Variants in COL4A6 observed in about 807,000 individuals in gnomAD.
The protein encoded by COL4A6 is collagen type IV alpha 6 chain, also known as collagen alpha-6(IV) chain.
A neutral mutation model predicts 126.7 loss-of-function variants in COL4A6; 59 were observed. The observed-to-expected ratio is 0.47, with a 90% CI of 0.38 to 0.58. COL4A6 has a LOEUF of 0.58. COL4A6 is among the 20% of genes least tolerant of loss of function. The pLI, the probability that COL4A6 is intolerant of heterozygous loss-of-function variation, is 0.00. For missense variants in COL4A6, 1,285 were observed against 1,337.3 expected, an observed-to-expected ratio of 0.96 and a Z score of 0.61; for synonymous variants, 547 against 496.6, an observed-to-expected ratio of 1.10 and a Z score of -1.35.
chrX:108,438,166 T>C lies in COL4A6; in HGVS notation c.11+20A>G. ...CCGAAGTAAGAAAGAGGAGGGGAGC[T>C]CGGGGCAGCAACAGCTCACCCAGGG... On this transcript the variant is annotated intron_variant, in intron 1 of 44. Coordinates refer to ENST00000334504, the MANE Select transcript of COL4A6 (RefSeq NM_033641.4). The C allele has an allele frequency of 8.3e-7, 1 of 1,207,425 alleles. No individual in the cohort carries two copies. Among genetic ancestry groups the C allele is most frequent in the Non-Finnish European group, 1.1e-6 (1 of 893,649 alleles).
intron 2 of COL4A6, among the ~76,000 whole-genome samples, chrX:108,354,966 C>T (rs993877560): frequency 1.8e-5 from 2 of 111,445 alleles, no homozygotes; most frequent in African/African-American, 6.5e-5. Context: ...TTTCTTTCCA[C>T]ACCTCGTTGA....
chrX:108,410,620 G>A (rs1225781824), intron 2 of COL4A6, among the ~76,000 whole-genome samples: 1 of 111,066 alleles, frequency 9.0e-6, no homozygotes, highest in African/African-American at 3.3e-5. Context: ...AGTAGGATTG[G>A]GTATATCAGT....
At chrX:108,334,133 C>T (rs754653005) in intron 2 of COL4A6, among the ~76,000 whole-genome samples, 1 of 111,797 alleles carries the variant, frequency 8.9e-6, no homozygotes, top group South Asian at 3.7e-4. Flanking sequence ...TACCACATTG[C>T]CTGACTTCAA....
intron 3 of COL4A6, among the ~76,000 whole-genome samples, chrX:108,300,307 T>G (rs977391325): frequency 6.3e-5 from 7 of 111,170 alleles, no homozygotes; most frequent in African/African-American, 2.3e-4. Context: ...TACATTCATC[T>G]AAAGTGAAGA....
At chrX:108,423,233 C>A (rs1490562858) in intron 2 of COL4A6, among the ~76,000 whole-genome samples, 1 of 111,826 alleles carries the variant, frequency 8.9e-6, no homozygotes, top group African/African-American at 3.3e-5. Flanking sequence ...ACTGTGAGAA[C>A]TAGATTTGGC....
chrX:108,343,992 C>A (rs991684635), intron 2 of COL4A6, among the ~76,000 whole-genome samples: 4 of 110,484 alleles, frequency 3.6e-5, no homozygotes, highest in African/African-American at 9.9e-5. Context: ...AATAAAATTG[C>A]ATGTTTTTTT....
chrX:108,197,982 C>G (rs766073713), intron 13 of COL4A6, among the ~76,000 whole-genome samples: 37 of 111,470 alleles, frequency 3.3e-4, no homozygotes, highest in African/African-American at 1.2e-3. Context: ...TTTTCTGCAT[C>G]AAACCAAGGC....
intron 2 of COL4A6, among the ~76,000 whole-genome samples, chrX:108,427,420 C>T (rs1209229660): frequency 1.8e-5 from 2 of 111,913 alleles, no homozygotes; most frequent in Non-Finnish European, 3.8e-5. Flanking sequence ...CAGAAAAATA[C>T]TAACTTAACT....
Position 108,308,491 on chromosome X carries a change from C to G in COL4A6, c.144+2257G>C, listed in dbSNP as rs758043978. Among the ~76,000 whole-genome samples, 5 of 112,034 alleles carry G rather than the reference C, an allele frequency of 4.5e-5. No individual in the cohort carries two copies. The East Asian group carries it at 1.4e-3, about 31-fold the overall frequency. On this transcript the variant is annotated intron_variant, in intron 3 of 44. Transcript: ENST00000334504. The stretch of plus-strand genomic sequence containing the variant: ...CATCGATTTGGGTCATTTTTATTTG[C>G]TGTATCTTTGCAGAGGTAAAGTAAG...
intron 28 of COL4A6, 140 bp downstream of exon 28, chrX:108,176,701 G>T: frequency 2.9e-6 from 2 of 687,661 alleles, no homozygotes; most frequent in Non-Finnish European, 4.3e-6. Context: ...CACTAGCCTT[G>T]TCCAACTATC....
Position 108,299,570 on chromosome X carries a change from CTG to C in COL4A6, c.144+11176_144+11177del, listed in dbSNP as rs764957890. On this transcript the variant is annotated intron_variant, in intron 3 of 44. Transcript: ENST00000334504. ...TAGCAATCACTGACTCGTGTCAGCT[CTG>C]AGAGAGAACCTAACTGAAGTAATGG... 6.3e-5 allele frequency among the ~76,000 whole-genome samples: 7 copies of C among 111,795 alleles called. No individual in the cohort carries two copies. In the East Asian group the frequency reaches 2.0e-3, roughly 31 times the overall value.
At chrX:108,360,514 A>G (rs2148062482) in intron 2 of COL4A6, among the ~76,000 whole-genome samples, 1 of 107,095 alleles carries the variant, frequency 9.3e-6, no homozygotes, top group East Asian at 3.1e-4. Context: ...GGGCAGTTTC[A>G]TGAGAGTTGA....
rs2295913 is a variant in COL4A6, at chrX:108,172,695, C to T, written c.3139-163G>A. 2.1e-4 allele frequency among the ~76,000 whole-genome samples: 23 copies of T among 111,378 alleles called. 1 individual carries two copies. The East Asian group carries it at 5.1e-3, about 25-fold the overall frequency. ...AAGTGGGGATGTTATGTCCTGCAAA[C>T]GGGAAGGTGATGAACAAAGGGCAGA... is the stretch of plus-strand genomic sequence containing the variant. On this transcript the variant is annotated intron_variant, in intron 31 of 44. Transcript: ENST00000334504.
At chrX:108,234,490 A>T (rs1039245407) in intron 3 of COL4A6, among the ~76,000 whole-genome samples, 1 of 111,800 alleles carries the variant, frequency 8.9e-6, no homozygotes, top group East Asian at 2.8e-4. Context: ...TCCACTGACA[A>T]CTCATCGGTT....
At chrX:108,305,012 G>A (rs991379313) in intron 3 of COL4A6, among the ~76,000 whole-genome samples, 6 of 111,797 alleles carry the variant, frequency 5.4e-5, no homozygotes, top group South Asian at 7.5e-4. Context: ...TAGTGCCTAC[G>A]GACTCTGCAG....
At chrX:108,324,358 G>C (rs1023291401) in intron 2 of COL4A6, among the ~76,000 whole-genome samples, 5 of 111,820 alleles carry the variant, frequency 4.5e-5, no homozygotes, top group Non-Finnish European at 5.6e-5. Context: ...ACAAATACAG[G>C]TCATTTCCAC....
intron 12 of COL4A6, among the ~76,000 whole-genome samples, chrX:108,203,237 T>C (rs1180289243): frequency 8.9e-6 from 1 of 112,072 alleles, no homozygotes; most frequent in Non-Finnish European, 1.9e-5. Flanking sequence ...ATACTGAGGC[T>C]AATTGGGAGA....
intron 3 of COL4A6, among the ~76,000 whole-genome samples, chrX:108,305,644 G>A (rs947200822): frequency 8.9e-6 from 1 of 111,780 alleles, no homozygotes; most frequent in African/African-American, 3.3e-5. Context: ...TTGGAGAAAT[G>A]GGTATGGAGA....
At chrX:108,221,396 C>T (rs1297562226) in intron 3 of COL4A6, 22 bp from the exon 4 acceptor site, 29 of 1,202,638 alleles carry the variant, frequency 2.4e-5, no homozygotes, top group Middle Eastern at 5.2e-4. Flanking sequence ...AGAAGGAGTG[C>T]AATTAGTCAA....
Sources: allele counts gnomAD v4.1 joint callset (sites outside exome capture counted in the v4.1 genomes callset), GRCh38; gene constraint gnomAD v4.1.1; transcripts MANE v1.5; gene names NCBI Gene and HGNC (gene_info 2026-07-23, HGNC 2026-07-21).